Variants in CDH12 observed in about 807,000 individuals in gnomAD.
CDH12 encodes cadherin 12.
Under a neutral mutation model 74.1 loss-of-function variants are expected in CDH12, and 41 were observed. The ratio of observed to expected loss-of-function variants is 0.55; its 90% CI spans 0.43 to 0.72. The LOEUF (loss-of-function observed/expected upper bound fraction) is 0.72, where lower values mean the gene tolerates loss of function less well. Among genes scored for constraint, CDH12 ranks in the 30% least tolerant of loss-of-function variants. The pLI is 0.00. For missense variants in CDH12, 945 were observed against 977.2 expected, an observed-to-expected ratio of 0.97 and a Z score of 0.44; for synonymous variants, 399 against 355.0, an observed-to-expected ratio of 1.12 and a Z score of -1.39.
chr5:22,545,936 T>C (rs1057009618), intron 1 of CDH12, among the ~76,000 whole-genome samples: 4 of 152,096 alleles, frequency 2.6e-5, no homozygotes, highest in African/African-American at 9.6e-5. Context: ...TTTGTTGTTG[T>C]TGTTGTTGTT....
chr5:22,520,448 T>C, intron 1 of CDH12, among the ~76,000 whole-genome samples: 1 of 152,132 alleles, frequency 6.6e-6, no homozygotes, highest in Non-Finnish European at 1.5e-5. Context: ...GCAAATAAGT[T>C]AGATTCAAGT....
chr5:22,306,488 C>T (rs1738119838), intron 3 of CDH12, among the ~76,000 whole-genome samples: 1 of 152,092 alleles, frequency 6.6e-6, no homozygotes, highest in South Asian at 2.1e-4. Context: ...GGTTTTTAAA[C>T]AACCCACTTG....
At chr5:22,649,870 T>C (rs905286489) in intron 1 of CDH12, among the ~76,000 whole-genome samples, 5 of 152,094 alleles carry the variant, frequency 3.3e-5, no homozygotes, top group African/African-American at 9.6e-5. Context: ...ACACCATCTA[T>C]GGCAGCACTG....
intron 1 of CDH12, among the ~76,000 whole-genome samples, chr5:22,567,930 T>C (rs1049985165): frequency 6.6e-6 from 1 of 152,232 alleles, no homozygotes; most frequent in Non-Finnish European, 1.5e-5. Context: ...GTACCTATGG[T>C]AACCTTATGG....
intron 3 of CDH12, among the ~76,000 whole-genome samples, chr5:22,302,187 G>GA (rs1196241319): frequency 2.6e-5 from 4 of 152,044 alleles, no homozygotes; most frequent in African/African-American, 4.8e-5. Context: ...TTCAGAGAAA[G>GA]AAAAACAAGT....
At chr5:22,382,979 C>T (rs1450674091) in intron 3 of CDH12, among the ~76,000 whole-genome samples, 6 of 152,040 alleles carry the variant, frequency 3.9e-5, no homozygotes, top group African/African-American at 1.4e-4. Flanking sequence ...TTCTGGAGCG[C>T]GCCGCTACGC....
rs145199848 is a variant in CDH12, at chr5:22,357,768, T to C, written c.-333+47489A>G. Among the ~76,000 whole-genome samples, 1,146 of 152,224 alleles carry C rather than the reference T, an allele frequency of 7.5e-3. 12 individuals are homozygous for C. Among genetic ancestry groups the C allele is most frequent in the Non-Finnish European group, 0.01 (712 of 68,002 alleles). ...CAATTTTTCCCTCAGGTGGAGAATATACATAAAGGTGCACATTACTTGCAT... is the reference window on the plus strand; with the variant it reads ...CAATTTTTCCCTCAGGTGGAGAATACACATAAAGGTGCACATTACTTGCAT... On this transcript the variant is annotated intron_variant, in intron 3 of 14. Coordinates refer to ENST00000382254, the MANE Select transcript of CDH12 (RefSeq NM_004061.5).
chr5:22,229,407 T>C (rs1752309770), intron 3 of CDH12, among the ~76,000 whole-genome samples: 1 of 150,020 alleles, frequency 6.7e-6, no homozygotes, highest in Non-Finnish European at 1.5e-5. Flanking sequence ...ATTTGGGGCC[T>C]TGTTACTCCA....
chr5:22,072,456 T>C (rs921077168), intron 5 of CDH12, among the ~76,000 whole-genome samples: 7 of 152,042 alleles, frequency 4.6e-5, no homozygotes, highest in Non-Finnish European at 1.0e-4. Flanking sequence ...TCATTTGTGA[T>C]GATTTTCTTG....
chr5:22,794,458 G>A (rs940537753), intron 1 of CDH12, among the ~76,000 whole-genome samples: 3 of 152,184 alleles, frequency 2.0e-5, no homozygotes, highest in Non-Finnish European at 2.9e-5. Context: ...CTTAACTGGA[G>A]CGGAGTCTGG....
In CDH12 at chr5:22,215,120, G is replaced by A. The variant is rs541963685; in HGVS notation, c.-332-2477C>T. The stretch of plus-strand genomic sequence containing the variant: ...GAACCCCTTAGTCCAATTCTATTAA[G>A]CAGACATTATAATATTTTATTTTTT... On this transcript the variant is annotated intron_variant, in intron 3 of 14. Coordinates refer to ENST00000382254, the MANE Select transcript of CDH12 (RefSeq NM_004061.5). Among the ~76,000 whole-genome samples the A allele has an allele frequency of 2.6e-5, 4 of 152,188 alleles. No individual in the cohort carries two copies. In the South Asian group the frequency reaches 6.2e-4, roughly 24 times the overall value.
At chr5:22,457,719 C>T (rs1180254744) in intron 2 of CDH12, among the ~76,000 whole-genome samples, 1 of 151,136 alleles carries the variant, frequency 6.6e-6, no homozygotes, top group African/African-American at 2.4e-5. Flanking sequence ...GCTTGGATTA[C>T]AGGCACCTGC....
Position 21,751,609 on chromosome 5 carries a change from A to AGT in CDH12, c.*126_*127dup, listed in dbSNP as rs1554025827. 1.4e-4 allele frequency: 76 copies of AGT among 556,046 alleles called. No homozygotes were observed. The highest frequency in any genetic ancestry group is 6.3e-4 in the African/African-American group (25 of 39,928). 34.4% of individuals were successfully genotyped at this position (556,046 alleles called of 1,614,324 possible). On this transcript the variant is annotated 3_prime_UTR_variant, in exon 15 of 15. Coordinates refer to ENST00000382254, the MANE Select transcript of CDH12 (RefSeq NM_004061.5). Reference sequence around the variant, plus strand: ...GGTAATCAAAGGAATCTTGTCCCAGAGTGTGTGTGTGTGTGTGTGTGTTTG... The same window carrying AGT: ...GGTAATCAAAGGAATCTTGTCCCAGAGTGTGTGTGTGTGTGTGTGTGTGTTTG...
intron 2 of CDH12, among the ~76,000 whole-genome samples, chr5:22,481,274 A>G (rs886189196): frequency 6.6e-6 from 1 of 152,246 alleles, no homozygotes; most frequent in Non-Finnish European, 1.5e-5. Flanking sequence ...TTCAGCTGCT[A>G]TAGAAAACAG....
At chr5:22,071,717 T>C (rs955820194) in intron 5 of CDH12, among the ~76,000 whole-genome samples, 17 of 152,122 alleles carry the variant, frequency 1.1e-4, no homozygotes, top group South Asian at 2.1e-4. Context: ...ACTAGATTAA[T>C]GTATGTAAAT....
At position 21,751,901 on chromosome 5, in the gene CDH12, A is replaced by G. The variant is rs889431545; in HGVS notation, c.2221T>C (p.Tyr741His). ...PPYDSLATYAYEGSGSVAESL... is the reference protein window; with the variant it reads ...PPYDSLATYAHEGSGSVAESL... ...TCTGCCACGGACCCACTCCCTTCGTAGGCATATGTGGCCAGTGAATCGTAT... is the reference window on the plus strand; with the variant it reads ...TCTGCCACGGACCCACTCCCTTCGTGGGCATATGTGGCCAGTGAATCGTAT... Residue 741 changes from tyrosine to histidine, a missense_variant, in exon 15 of 15, where the codon TAC becomes CAC. Tyr to His is a moderately conservative substitution (Grantham distance 83, BLOSUM62 2). Around this residue, in one of 3 missense-constraint regions of CDH12, gnomAD observed 791 missense variants for 792.8 expected, o/e 1.00. Transcript: ENST00000382254. 2 of 1,613,914 alleles carry G rather than the reference A, an allele frequency of 1.2e-6. No homozygotes were observed. Among genetic ancestry groups the G allele is most frequent in the Non-Finnish European group, 8.5e-7 (1 of 1,180,010 alleles).
chr5:22,320,910 G>GA (rs1738847779), intron 3 of CDH12, among the ~76,000 whole-genome samples: 2 of 152,140 alleles, frequency 1.3e-5, no homozygotes, highest in Non-Finnish European at 2.9e-5. Context: ...AACATATTTT[G>GA]AATAATAACA....
intron 3 of CDH12, among the ~76,000 whole-genome samples, chr5:22,338,027 A>C (rs1739668442): frequency 6.6e-6 from 1 of 152,210 alleles, no homozygotes; most frequent in African/African-American, 2.4e-5. Flanking sequence ...TCAAAAAAAT[A>C]AAAGTAGAGC....
chr5:22,164,622 C>G (rs1235565818), intron 4 of CDH12, among the ~76,000 whole-genome samples: 1 of 152,184 alleles, frequency 6.6e-6, no homozygotes, highest in Non-Finnish European at 1.5e-5. Flanking sequence ...GAGGGGACCC[C>G]AAGGGGGTTG....
Sources: gnomAD v4.1 joint callset for allele counts (sites outside exome capture counted in the v4.1 genomes callset) on GRCh38, gnomAD v4.1.1 for gene constraint, gnomAD v4.1.1 regional missense constraint, MANE v1.5 for transcripts, NCBI Gene and HGNC (gene_info 2026-07-23, HGNC 2026-07-21) for gene names.